Variants in AAMDC observed in about 807,000 individuals in gnomAD.
AAMDC encodes mth938 domain-containing protein.
A neutral mutation model predicts 15.5 loss-of-function variants in AAMDC; 16 were observed. The ratio of observed to expected loss-of-function variants is 1.03; its 90% CI spans 0.70 to 1.57. The LOEUF (loss-of-function observed/expected upper bound fraction) is 1.57, where lower values mean the gene tolerates loss of function less well. Ranked by LOEUF, AAMDC falls within the 40% of genes most tolerant of loss-of-function variation. AAMDC has a pLI of 0.00. For synonymous variants in AAMDC, 51 were observed against 51.6 expected (o/e 0.99, Z 0.05); for missense variants, 141 against 144.9 (o/e 0.97, Z 0.14).
Position 77,842,979 on chromosome 11 carries a change from T to C in AAMDC, c.132+351T>C, listed in dbSNP as rs183845398. On this transcript the variant is annotated intron_variant, in intron 2 of 3. Coordinates refer to ENST00000393427, the MANE Select transcript of AAMDC (RefSeq NM_024684.4). The stretch of plus-strand genomic sequence containing the variant: ...ATGATTAATCTACTTTCTGTTGTTA[T>C]AGATATGCCTATTCTGGATGTTTTC... 5.3e-5 allele frequency among the ~76,000 whole-genome samples: 8 copies of C among 152,346 alleles called. No individual in the cohort carries two copies. The East Asian group carries it at 9.6e-4, about 18-fold the overall frequency.
intron 1 of AAMDC, among the ~76,000 whole-genome samples, chr11:77,833,009 A>ATAT (rs372585188): frequency 1.7e-4 from 10 of 60,020 alleles, no homozygotes; most frequent in African/African-American, 6.3e-4. Context: ...ATATATATAT[A>ATAT]TTTTTTTTTT....
At chr11:77,885,825 AAAG>A (rs1209767436) in intron 5 of AAMDC, among the ~76,000 whole-genome samples, 1 of 151,856 alleles carries the variant, frequency 6.6e-6, no homozygotes, top group Non-Finnish European at 1.5e-5. Flanking sequence ...GTCTCAAAAA[AAAG>A]AAAGAAAGAA....
At chr11:77,869,458 C>T (rs1325537429) in intron 2 of AAMDC, among the ~76,000 whole-genome samples, 1 of 151,208 alleles carries the variant, frequency 6.6e-6, no homozygotes, top group African/African-American at 2.4e-5. Context: ...GGACTACAAG[C>T]ATAAGCCACC....
At chr11:77,830,341 T>G (rs985054148) in intron 1 of AAMDC, among the ~76,000 whole-genome samples, 6 of 152,168 alleles carry the variant, frequency 3.9e-5, no homozygotes, top group African/African-American at 1.4e-4. Flanking sequence ...GATACTGCCC[T>G]GCCACCAAAA....
At chr11:77,878,857 C>T (rs1029678837) in intron 5 of AAMDC, 10 of 892,228 alleles carry the variant, frequency 1.1e-5, no homozygotes, top group Non-Finnish European at 1.1e-5. Context: ...CTTAAGCCTA[C>T]ACATCAATTC....
chr11:77,832,372 G>A (rs1219940713), intron 1 of AAMDC, among the ~76,000 whole-genome samples: 1 of 151,732 alleles, frequency 6.6e-6, no homozygotes, highest in East Asian at 1.9e-4. Flanking sequence ...TGTTGCCCAG[G>A]CTGGAGTGCA....
intron 5 of AAMDC, among the ~76,000 whole-genome samples, chr11:77,887,137 T>C: frequency 6.6e-6 from 1 of 151,764 alleles, no homozygotes; most frequent in Non-Finnish European, 1.5e-5. Context: ...AAAAAACCCT[T>C]CAAAAAATTA....
At chr11:77,845,969 T>C (rs1484317654) in intron 2 of AAMDC, among the ~76,000 whole-genome samples, 6 of 152,148 alleles carry the variant, frequency 3.9e-5, no homozygotes, top group African/African-American at 1.4e-4. Flanking sequence ...TCTTTTTCTT[T>C]CTTTCTTAAT....
chr11:77,883,344 A>T (rs1443408586), intron 5 of AAMDC, among the ~76,000 whole-genome samples: 1 of 152,116 alleles, frequency 6.6e-6, no homozygotes, highest in Non-Finnish European at 1.5e-5. Context: ...TCTCCTTTGT[A>T]CTTGTATTCT....
At chr11:77,878,588 C>T (rs746561681) in intron 5 of AAMDC, 58 of 550,334 alleles carry the variant, frequency 1.1e-4, no homozygotes, top group Non-Finnish European at 1.4e-4. Flanking sequence ...AAGACTATAG[C>T]TCAAATAACC....
intron 2 of AAMDC, among the ~76,000 whole-genome samples, chr11:77,861,236 C>G (rs924421421): frequency 2.6e-5 from 4 of 152,190 alleles, no homozygotes; most frequent in Non-Finnish European, 5.9e-5. Context: ...GCTAGAATGT[C>G]TCTCCCTAAC....
chr11:77,832,396 G>A (rs1212416601), intron 1 of AAMDC, among the ~76,000 whole-genome samples: 3 of 150,422 alleles, frequency 2.0e-5, no homozygotes, highest in South Asian at 2.1e-4. Flanking sequence ...GTGTGATCTC[G>A]GCTCGCTGCA....
chr11:77,870,323 T>G (rs1951358725), intron 3 of AAMDC, among the ~76,000 whole-genome samples: 1 of 149,196 alleles, frequency 6.7e-6, no homozygotes, highest in South Asian at 2.1e-4. Context: ...TCTGGCCTAT[T>G]TTTTAATTTT....
At chr11:77,895,818 G>C (rs966221225) in intron 5 of AAMDC, among the ~76,000 whole-genome samples, 1 of 152,166 alleles carries the variant, frequency 6.6e-6, no homozygotes, top group Non-Finnish European at 1.5e-5. Context: ...CGTCAAAAAA[G>C]AGCAGGCATC....
chr11:77,882,822 C>T (rs902603695), intron 5 of AAMDC, among the ~76,000 whole-genome samples: 1 of 152,150 alleles, frequency 6.6e-6, no homozygotes, highest in Non-Finnish European at 1.5e-5. Context: ...TGTAATCCCA[C>T]TACTTTGGGA....
intron 1 of AAMDC, among the ~76,000 whole-genome samples, chr11:77,833,467 C>A (rs963985554): frequency 3.9e-5 from 6 of 152,100 alleles, no homozygotes; most frequent in African/African-American, 1.4e-4. Context: ...AATGCTGCTG[C>A]TGATGTGTCA....
downstream of AAMDC, among the ~76,000 whole-genome samples, chr11:77,876,462 C>G (rs1951598188): frequency 6.7e-6 from 1 of 149,880 alleles, no homozygotes; most frequent in South Asian, 2.1e-4. Flanking sequence ...AACTAAAATT[C>G]TCATGTTCCC....
In AAMDC at chr11:77,869,801, T is replaced by G; in HGVS notation, c.212T>G (p.Met71Arg). 1 of 1,613,886 alleles carries G rather than the reference T, an allele frequency of 6.2e-7. No homozygotes were observed. Among genetic ancestry groups the G allele is most frequent in the Non-Finnish European group, 8.5e-7 (1 of 1,179,808 alleles). Residue 71 changes from methionine to arginine, a missense_variant, in exon 3 of 4, where the codon ATG becomes AGG. Transcript: ENST00000393427. ...CAGACTCTTGTGATTGGCCGAGGGA[T>G]GAGTGAGGCCTTGAAGGTAGGTGTT... Reference protein sequence around the residue: ...GVQTLVIGRGMSEALKVPSST... With the variant: ...GVQTLVIGRGRSEALKVPSST...
chr11:77,849,476 G>A (rs138846030), intron 2 of AAMDC, among the ~76,000 whole-genome samples: 1,687 of 152,178 alleles, frequency 0.011, 26 homozygotes, highest in African/African-American at 0.039. Flanking sequence ...TGCCCATCTC[G>A]GCCTCTCAAA....
Sources: gnomAD v4.1 joint callset for allele counts (sites outside exome capture counted in the v4.1 genomes callset) on GRCh38, gnomAD v4.1.1 for gene constraint, MANE v1.5 for transcripts, NCBI Gene and HGNC (gene_info 2026-07-23, HGNC 2026-07-21) for gene names.